The following ULK4 variants were observed in gnomAD, a reference collection of about 807,000 sequenced individuals.
ULK4 encodes unc-51 like kinase 4.
ULK4 carries 133 observed loss-of-function variants against 160.6 expected under a neutral mutation model. The observed-to-expected ratio is 0.83, with a 90% confidence interval of 0.72 to 0.96. The LOEUF is 0.96. Ranked by LOEUF, ULK4 falls within the 40% of genes least tolerant of loss-of-function variation. The probability of loss-of-function intolerance (pLI) is 0.00; values close to 1 mark genes in which losing one functional copy is unlikely to be tolerated. For synonymous variants in ULK4, 534 were observed against 539.8 expected, an observed-to-expected ratio of 0.99 and a Z score of 0.15; for missense variants, 1,580 against 1,499.5, an observed-to-expected ratio of 1.05 and a Z score of -0.89.
chr3:41,942,912 G>C (rs1026338000), intron 2 of ULK4, among the ~76,000 whole-genome samples: 1 of 151,688 alleles, frequency 6.6e-6, no homozygotes, highest in Non-Finnish European at 1.5e-5. Context: ...ACTGGCTTTA[G>C]AAATATATTA....
At chr3:41,947,604 T>C (rs1188048018) in intron 2 of ULK4, among the ~76,000 whole-genome samples, 6 of 152,104 alleles carry the variant, frequency 3.9e-5, no homozygotes, top group Non-Finnish European at 7.3e-5. Context: ...GAGAAGTGAA[T>C]GCACCCAGCA....
intron 3 of ULK4, chr3:41,937,318 A>G (rs1559662459): frequency 8.6e-6 from 6 of 695,032 alleles, no homozygotes; most frequent in African/African-American, 1.8e-5. Context: ...ACATCCATGG[A>G]AGTAATCAAC....
rs1301385860 is a variant in ULK4 at position 41,607,703 on chromosome 3, T to A, written c.3120+7966A>T. ...ATAAAGTTGGGGAGAAATTTGAGCA[T>A]CCATCAGTGGAGACTGGCTAAACAA... On this transcript the variant is annotated intron_variant, in intron 31 of 36. Transcript: ENST00000301831. Among the ~76,000 whole-genome samples, 3 of 152,182 alleles carry A rather than the reference T, an allele frequency of 2.0e-5. No individual in the cohort carries two copies. In the East Asian group the frequency reaches 5.8e-4, roughly 29 times the overall value.
chr3:41,641,709 G>A (rs767669626), intron 30 of ULK4, among the ~76,000 whole-genome samples: 9 of 152,094 alleles, frequency 5.9e-5, no homozygotes, highest in African/African-American at 7.2e-5. Flanking sequence ...TCTGTCCAAT[G>A]TGAAAGAAGT....
At chr3:41,601,528 A>G (rs1336267729) in intron 31 of ULK4, among the ~76,000 whole-genome samples, 1 of 152,246 alleles carries the variant, frequency 6.6e-6, no homozygotes, top group Admixed American at 6.5e-5. Context: ...AGAGGGAAAC[A>G]GGGGACTAAT....
At chr3:41,295,812 T>C (rs2079657004) in intron 35 of ULK4, among the ~76,000 whole-genome samples, 1 of 152,230 alleles carries the variant, frequency 6.6e-6, no homozygotes, top group Non-Finnish European at 1.5e-5. Flanking sequence ...ACAGGAACTC[T>C]CGCTCATTGC....
chr3:41,461,282 C>T (rs900970633), intron 33 of ULK4, among the ~76,000 whole-genome samples: 40 of 152,188 alleles, frequency 2.6e-4, no homozygotes, highest in African/African-American at 8.9e-4. Context: ...GAAATAGATA[C>T]AGGTTTCAAG....
intron 35 of ULK4, among the ~76,000 whole-genome samples, chr3:41,357,994 G>A (rs1028234733): frequency 1.3e-5 from 2 of 152,184 alleles, no homozygotes; most frequent in African/African-American, 4.8e-5. Flanking sequence ...GAAATTGGAG[G>A]CACAGACAGG....
At chr3:41,465,304 T>C (rs1452786204) in intron 32 of ULK4, among the ~76,000 whole-genome samples, 1 of 152,242 alleles carries the variant, frequency 6.6e-6, no homozygotes, top group Non-Finnish European at 1.5e-5. Flanking sequence ...ATCAATATTG[T>C]GTCTATTTTA....
chr3:41,885,874 C>T (rs1489683901), intron 16 of ULK4, among the ~76,000 whole-genome samples: 1 of 152,042 alleles, frequency 6.6e-6, no homozygotes, highest in Non-Finnish European at 1.5e-5. Flanking sequence ...AATGGGGTTT[C>T]GCCATGTTGT....
chr3:41,501,768 T>C (rs1315593543), intron 32 of ULK4, among the ~76,000 whole-genome samples: 1 of 152,168 alleles, frequency 6.6e-6, no homozygotes, highest in African/African-American at 2.4e-5. Flanking sequence ...TTACTCCTTC[T>C]ATCTAACTGA....
chr3:41,858,669 G>GT (rs1553675928), intron 17 of ULK4, among the ~76,000 whole-genome samples: 3 of 127,040 alleles, frequency 2.4e-5, no homozygotes, highest in African/African-American at 1.1e-4. Flanking sequence ...ATTTTTGTGT[G>GT]ATTTTTTTTT....
chr3:41,815,147 T>G (rs2040928003), intron 19 of ULK4, among the ~76,000 whole-genome samples: 1 of 152,336 alleles, frequency 6.6e-6, no homozygotes. Context: ...GACCTCATGA[T>G]CCGCCTGCCT....
intron 35 of ULK4, among the ~76,000 whole-genome samples, chr3:41,368,640 T>A (rs2081299919): frequency 2.6e-5 from 4 of 152,218 alleles, no homozygotes. Flanking sequence ...TCACACATCA[T>A]GTGGTGCTTT....
intron 30 of ULK4, among the ~76,000 whole-genome samples, chr3:41,634,454 G>A (rs1357930546): frequency 6.6e-6 from 1 of 152,178 alleles, no homozygotes; most frequent in Admixed American, 6.6e-5. Flanking sequence ...TGAGTCAGGA[G>A]GGCAGCCCTC....
At chr3:41,733,357 T>C (rs1319590607) in intron 22 of ULK4, among the ~76,000 whole-genome samples, 1 of 152,050 alleles carries the variant, frequency 6.6e-6, no homozygotes, top group East Asian at 1.9e-4. Context: ...GAAGAGGAGA[T>C]GATCTAGTTT....
chr3:41,789,515 T>G (rs950809385), intron 21 of ULK4, 146 bp downstream of exon 21: 1 of 624,682 alleles, frequency 1.6e-6, no homozygotes, highest in Non-Finnish European at 2.5e-6. Flanking sequence ...AGATGAACAT[T>G]CTGTGGTACA....
rs904174629 is a variant in ULK4, at chr3:41,424,284, C to G, written c.3493-26020G>C. 2.6e-5 allele frequency among the ~76,000 whole-genome samples: 4 copies of G among 152,162 alleles called. No individual in the cohort carries two copies. In the South Asian group the frequency reaches 6.2e-4, roughly 24 times the overall value. ...AACCCTGATCTCCCTGGGACTGAGC[C>G]CCTGGGGGGAGGGGCAGCCATGGTC... On this transcript the variant is annotated intron_variant, in intron 34 of 36. Coordinates refer to ENST00000301831, the MANE Select transcript of ULK4 (RefSeq NM_017886.4).
At chr3:41,371,301 G>A (rs1161262132) in intron 35 of ULK4, among the ~76,000 whole-genome samples, 1 of 152,242 alleles carries the variant, frequency 6.6e-6, no homozygotes, top group East Asian at 1.9e-4. Flanking sequence ...TCTGCTAACA[G>A]ATGGTCTGCC....
Sources: gnomAD v4.1 joint callset for allele counts (sites outside exome capture counted in the v4.1 genomes callset) on GRCh38, gnomAD v4.1.1 for gene constraint, MANE v1.5 for transcripts, NCBI Gene and HGNC (gene_info 2026-07-23, HGNC 2026-07-21) for gene names.